Variants in PIPOX observed in about 807,000 individuals in gnomAD.
PIPOX encodes peroxisomal sarcosine oxidase.
In PIPOX, 45 loss-of-function variants were observed where a neutral mutation model predicts 47.9. The observed-to-expected ratio is 0.94, with a 90% CI of 0.74 to 1.20. The LOEUF (loss-of-function observed/expected upper bound fraction) is 1.20, where lower values mean the gene tolerates loss of function less well. PIPOX is among the 50% of genes most tolerant of loss of function. PIPOX has a pLI of 0.00. For missense variants in PIPOX, 458 were observed against 498.4 expected, an observed-to-expected ratio of 0.92 and a Z score of 0.77; for synonymous variants, 165 against 191.3, an observed-to-expected ratio of 0.86 and a Z score of 1.13.
chr17:29,048,891 A>C (rs1364272070), intron 2 of PIPOX, among the ~76,000 whole-genome samples: 1 of 152,196 alleles, frequency 6.6e-6, no homozygotes, highest in African/African-American at 2.4e-5. Context: ...CCCTTCCCCA[A>C]GGTGACTCAG....
At chr17:29,051,988 G>A (rs2065808239) in intron 2 of PIPOX, 1 of 471,166 alleles carries the variant, frequency 2.1e-6, no homozygotes, top group Non-Finnish European at 4.4e-6. Flanking sequence ...GCACGTTACA[G>A]AGGAGGAATC....
rs144145558 is a variant in PIPOX at position 29,056,264 on chromosome 17, C to T, written c.1132C>T (p.Arg378Ter). ...LTPSYDLAPFRISRFPSLGKA... is the reference protein window; with the variant it reads ...LTPSYDLAPF Reference sequence around the variant, plus strand: ...ACCATCTTATGACTTGGCACCTTTTCGAATCAGCCGTTTCCCAAGCCTGGG... The same window carrying T: ...ACCATCTTATGACTTGGCACCTTTTTGAATCAGCCGTTTCCCAAGCCTGGG... The change falls in exon 8 of 8, where the codon CGA becomes TGA. Residue 378 changes from arginine to a stop codon, truncating the protein, a stop_gained. Transcript: ENST00000323372. LOFTEE classifies it high-confidence loss of function. 37 of 1,614,072 alleles carry T rather than the reference C, an allele frequency of 2.3e-5. No individual in the cohort carries two copies. The highest frequency in any genetic ancestry group is 2.9e-5 in the Non-Finnish European group (34 of 1,180,040).
intron 2 of PIPOX, among the ~76,000 whole-genome samples, chr17:29,052,509 C>T (rs534348786): frequency 3.3e-5 from 5 of 152,330 alleles, no homozygotes; most frequent in Admixed American, 6.5e-5. Flanking sequence ...CCTCTCAGGG[C>T]CTACACCTGG....
At chr17:29,043,999 C>T (rs1377857348) in intron 1 of PIPOX, among the ~76,000 whole-genome samples, 2 of 152,222 alleles carry the variant, frequency 1.3e-5, no homozygotes, top group African/African-American at 2.4e-5. Context: ...CTATCCACTG[C>T]AGTGGACTCT....
chr17:29,046,704 T>C (rs892204171), intron 2 of PIPOX: 2 of 985,074 alleles, frequency 2.0e-6, no homozygotes, highest in African/African-American at 1.8e-5. Flanking sequence ...GAGGGATCCT[T>C]GGGTAGGAGA....
rs2065813835 is a variant in PIPOX, at chr17:29,053,216, C to T, written c.477+83C>T. Reference sequence around the variant, plus strand: ...CCCAAGCAGCCAGCCCAAGACCCCCCTCTGGATGAGGCCTTTGCCCTGCAG... The same window carrying T: ...CCCAAGCAGCCAGCCCAAGACCCCCTTCTGGATGAGGCCTTTGCCCTGCAG... On this transcript the variant is annotated intron_variant, in intron 3 of 7. Coordinates refer to ENST00000323372, the MANE Select transcript of PIPOX (RefSeq NM_016518.3). 4 of 1,390,124 alleles carry T rather than the reference C, an allele frequency of 2.9e-6. No individual in the cohort carries two copies. In the Admixed American group the frequency reaches 5.2e-5, roughly 18 times the overall value. The allele number at this position is 1,390,124 out of a possible 1,614,324, so 86.1% of individuals were successfully genotyped here. A position where few individuals can be genotyped will look rare whatever the true frequency, so the allele number is the denominator to read the frequency against.
In PIPOX at chr17:29,056,352, G is replaced by A. The variant is rs1415064072; in HGVS notation, c.*47G>A. ...TCTGTGCACAGGAGCCAGTTTCACA[G>A]ATGGAGAAGATGTCTCAGATGAAGG... On this transcript the variant is annotated 3_prime_UTR_variant, in exon 8 of 8. Transcript: ENST00000323372. 1 of 1,608,726 alleles carries A rather than the reference G, an allele frequency of 6.2e-7. No individual in the cohort carries two copies. The highest frequency in any genetic ancestry group is 1.3e-5 in the African/African-American group (1 of 74,766).
intron 1 of PIPOX, among the ~76,000 whole-genome samples, chr17:29,043,594 C>T (rs1210208732): frequency 6.6e-6 from 1 of 152,184 alleles, no homozygotes; most frequent in Non-Finnish European, 1.5e-5. Flanking sequence ...CTTGACCAAG[C>T]GTCCTAGGCC....
chr17:29,055,998 C>T, intron 7 of PIPOX, 110 bp downstream of exon 7: 1 of 1,283,684 alleles, frequency 7.8e-7, no homozygotes, highest in Non-Finnish European at 1.1e-6. Context: ...GAAGCCTGGA[C>T]ATTGTAGGTA....
At position 29,056,600 on chromosome 17, in the gene PIPOX, C is replaced by T; in HGVS notation, c.*295C>T. The T allele has an allele frequency of 2.1e-6, 1 of 476,028 alleles. No homozygotes were observed. Among genetic ancestry groups the T allele is most frequent in the Non-Finnish European group, 3.8e-6 (1 of 264,502 alleles). The allele number at this position is 476,028 out of a possible 1,614,324, so 29.5% of individuals were successfully genotyped here. A position where few individuals can be genotyped will look rare whatever the true frequency, so the allele number is the denominator to read the frequency against. ...GAAGGTTGATCAGATATTCTACAAT[C>T]ACAGAGTAGCAAGGACGTTTGAGAT... On this transcript the variant is annotated 3_prime_UTR_variant, in exon 8 of 8. Transcript: ENST00000323372.
chr17:29,043,486 A>T (rs2065774263), intron 1 of PIPOX, 147 bp downstream of exon 1: 1 of 567,956 alleles, frequency 1.8e-6, no homozygotes, highest in Non-Finnish European at 3.1e-6. Flanking sequence ...TTAGCTGCCT[A>T]GTGTGTTTCA....
At chr17:29,044,820 G>C in intron 1 of PIPOX, 39 bp from the exon 2 acceptor site, 1 of 1,587,066 alleles carries the variant, frequency 6.3e-7, no homozygotes, top group Non-Finnish European at 8.6e-7. Context: ...AGTGTGAGGG[G>C]TAATGGCTTC....
intron 2 of PIPOX, 132 bp downstream of exon 2, chr17:29,045,139 G>T: frequency 9.9e-7 from 1 of 1,014,114 alleles, no homozygotes. Flanking sequence ...AGTACCAGAT[G>T]CATGGAAGAG....
At position 29,044,843 on chromosome 17, in the gene PIPOX, T is replaced by C; in HGVS notation, c.115-16T>C. On this transcript the variant is annotated splice_polypyrimidine_tract_variant and intron_variant, in intron 1 of 7. Coordinates refer to ENST00000323372, the MANE Select transcript of PIPOX (RefSeq NM_016518.3). Reference sequence around the variant, plus strand: ...GGGTAATGGCTTCCATCATCTCTCTTGTTTTCCACTTCCAGTTCTTTCTAC... The same window carrying C: ...GGGTAATGGCTTCCATCATCTCTCTCGTTTTCCACTTCCAGTTCTTTCTAC... 6.2e-7 allele frequency: 1 copy of C among 1,604,120 alleles called. No homozygotes were observed. The highest frequency in any genetic ancestry group is 8.5e-7 in the Non-Finnish European group (1 of 1,174,356).
rs142643281 is a variant in PIPOX, at chr17:29,048,890, A to G, written c.263+3883A>G. ...AAGTCCCCATTCGAATCCCTTCCCCAAGGTGACTCAGAGCTGGCTTGCTGG... is the reference window on the plus strand; with the variant it reads ...AAGTCCCCATTCGAATCCCTTCCCCGAGGTGACTCAGAGCTGGCTTGCTGG... On this transcript the variant is annotated intron_variant, in intron 2 of 7. Transcript: ENST00000323372. Among the ~76,000 whole-genome samples the G allele has an allele frequency of 4.2e-4, 64 of 152,332 alleles. 1 individual carries two copies. In the East Asian group the frequency reaches 0.012, roughly 29 times the overall value.
In PIPOX at chr17:29,055,131, C is replaced by A; in HGVS notation, c.876C>A (p.Ile292=). Residue 292 remains isoleucine (I), a synonymous_variant, in exon 6 of 8, where the codon ATC becomes ATA. Transcript: ENST00000323372. ...ERDCPTARTD[I]GDVQILSSFV... The stretch of plus-strand genomic sequence containing the variant: ...ACTGCCCCACAGCACGCACAGACAT[C>A]GGAGACGTCCAGATCCTGAGCAGCT... 1 of 1,614,116 alleles carries A rather than the reference C, an allele frequency of 6.2e-7. No homozygotes were observed. The highest frequency in any genetic ancestry group is 8.5e-7 in the Non-Finnish European group (1 of 1,180,014).
At position 29,055,108 on chromosome 17, in the gene PIPOX, T is replaced by A; in HGVS notation, c.853T>A (p.Cys285Ser). 6.2e-7 allele frequency: 1 copy of A among 1,614,054 alleles called. No homozygotes were observed. The change falls in exon 6 of 8, where the codon TGC (cysteine) becomes AGC (serine). Residue 285 changes from cysteine (C) to serine (S), a missense_variant. Transcript: ENST00000323372. Reference protein sequence around the residue: ...GNHADPEERDCPTARTDIGDV... With the variant: ...GNHADPEERDSPTARTDIGDV... ...CCACGCAGACCCTGAGGAGCGGGAC[T>A]GCCCCACAGCACGCACAGACATCGG... is the stretch of plus-strand genomic sequence containing the variant.
chr17:29,055,018 G>A (rs1398548738), intron 5 of PIPOX, 45 bp from the exon 6 acceptor site: 1 of 1,611,398 alleles, frequency 6.2e-7, no homozygotes. Context: ...GGGTGTGTGT[G>A]GAAGGCCAGC....
intron 4 of PIPOX, among the ~76,000 whole-genome samples, chr17:29,053,812 A>G (rs950384716): frequency 6.6e-6 from 1 of 152,174 alleles, no homozygotes; most frequent in South Asian, 2.1e-4. Flanking sequence ...TGCAAAAGTA[A>G]TTGCAGTTTT....
Sources: gnomAD v4.1 joint callset for allele counts (sites outside exome capture counted in the v4.1 genomes callset) on GRCh38, gnomAD v4.1.1 for gene constraint, MANE v1.5 for transcripts, NCBI Gene and HGNC (gene_info 2026-07-23, HGNC 2026-07-21) for gene names.